The following FNDC3B variants were observed in gnomAD, a reference collection of about 807,000 sequenced individuals.
The protein encoded by FNDC3B is fibronectin type III domain containing 3B.
Under a neutral mutation model 151.5 loss-of-function variants are expected in FNDC3B, and 12 were observed. The ratio of observed to expected loss-of-function variants is 0.08; its 90% CI spans 0.05 to 0.13. FNDC3B has a LOEUF of 0.13. FNDC3B is among the 10% of genes least tolerant of loss of function. The probability of loss-of-function intolerance (pLI) is 1.00; values close to 1 mark genes in which losing one functional copy is unlikely to be tolerated. For missense variants in FNDC3B, 1,214 were observed against 1,505.3 expected (o/e 0.81, Z 3.20); for synonymous variants, 528 against 549.0 (o/e 0.96, Z 0.54).
intron 4 of FNDC3B, 40 bp downstream of exon 4, chr3:172,226,987 T>G: frequency 7.6e-7 from 1 of 1,309,798 alleles, no homozygotes; most frequent in African/African-American, 1.4e-5. Context: ...CTATGGACAC[T>G]GTCGTTGCTC....
At chr3:172,108,466 T>C (rs1719787375) in intron 1 of FNDC3B, among the ~76,000 whole-genome samples, 1 of 152,224 alleles carries the variant, frequency 6.6e-6, no homozygotes, top group South Asian at 2.1e-4. Context: ...TGAAAAGCCT[T>C]GTCGGCTTTC....
intron 3 of FNDC3B, among the ~76,000 whole-genome samples, chr3:172,151,753 G>A (rs1423227414): frequency 6.6e-6 from 1 of 152,160 alleles, no homozygotes; most frequent in Non-Finnish European, 1.5e-5. Flanking sequence ...ATAGGTTCTT[G>A]GAAACTGTAA....
At chr3:172,326,043 T>G (rs887591172) in intron 11 of FNDC3B, among the ~76,000 whole-genome samples, 1 of 152,008 alleles carries the variant, frequency 6.6e-6, no homozygotes, top group African/African-American at 2.4e-5. Flanking sequence ...CCAGGCTGGT[T>G]TCGAACTCCT....
chr3:172,249,165 A>C (rs529259409), intron 5 of FNDC3B, among the ~76,000 whole-genome samples: 1 of 152,174 alleles, frequency 6.6e-6, no homozygotes, highest in African/African-American at 2.4e-5. Flanking sequence ...AGTGTTTCTT[A>C]GAGCTTTCTG....
chr3:172,316,965 A>G (rs1731814224), intron 11 of FNDC3B, among the ~76,000 whole-genome samples: 1 of 152,182 alleles, frequency 6.6e-6, no homozygotes, highest in Admixed American at 6.5e-5. Context: ...GTCCTCCCAT[A>G]ATAGAAGACA....
At chr3:172,168,211 C>A (rs1472006409) in intron 3 of FNDC3B, among the ~76,000 whole-genome samples, 3 of 152,176 alleles carry the variant, frequency 2.0e-5, no homozygotes. Context: ...AAAACTGATA[C>A]CAGCTGTTAT....
chr3:172,156,164 A>G (rs1379845903), intron 3 of FNDC3B, among the ~76,000 whole-genome samples: 1 of 152,242 alleles, frequency 6.6e-6, no homozygotes, highest in East Asian at 1.9e-4. Flanking sequence ...ATGAAACTTC[A>G]GAGCCCTCAC....
intron 2 of FNDC3B, among the ~76,000 whole-genome samples, chr3:172,125,856 T>A (rs368491222): frequency 1.3e-5 from 2 of 152,134 alleles, no homozygotes; most frequent in African/African-American, 4.8e-5. Context: ...CCGTACCGGG[T>A]TGCTCATGAG....
chr3:172,098,922 G>A (rs1279108024), intron 1 of FNDC3B, among the ~76,000 whole-genome samples: 1 of 152,250 alleles, frequency 6.6e-6, no homozygotes, highest in East Asian at 1.9e-4. Flanking sequence ...TGGAGTCCTC[G>A]GTTGAATGGG....
At chr3:172,142,727 A>C (rs1721688812) in intron 3 of FNDC3B, among the ~76,000 whole-genome samples, 1 of 152,204 alleles carries the variant, frequency 6.6e-6, no homozygotes, top group Non-Finnish European at 1.5e-5. Flanking sequence ...AGGCATTCAG[A>C]CTGAAGGAAA....
At chr3:172,337,641 G>T in intron 16 of FNDC3B, 1 of 454,864 alleles carries the variant, frequency 2.2e-6, no homozygotes, top group South Asian at 2.9e-5. Flanking sequence ...CTTTTTCATT[G>T]GTGTTTTGTT....
chr3:172,050,165 A>T (rs1339037250), intron 1 of FNDC3B, among the ~76,000 whole-genome samples: 1 of 152,114 alleles, frequency 6.6e-6, no homozygotes, highest in Non-Finnish European at 1.5e-5. Flanking sequence ...AAGTGATGGG[A>T]TACCAAAGCC....
At chr3:172,087,454 G>T (rs1158588078) in intron 1 of FNDC3B, among the ~76,000 whole-genome samples, 3 of 152,062 alleles carry the variant, frequency 2.0e-5, no homozygotes, top group Non-Finnish European at 4.4e-5. Flanking sequence ...ATGTGTGTGG[G>T]CGTTAAAAGA....
intron 16 of FNDC3B, 35 bp downstream of exon 16, chr3:172,337,436 A>G (rs1456100191): frequency 7.5e-7 from 1 of 1,333,082 alleles, no homozygotes; most frequent in South Asian, 1.2e-5. Flanking sequence ...TTCAAATCCA[A>G]TAGCAAGCTC....
chr3:172,388,829 C>T (rs1158996346), intron 25 of FNDC3B, among the ~76,000 whole-genome samples: 2 of 152,124 alleles, frequency 1.3e-5, no homozygotes, highest in African/African-American at 2.4e-5. Context: ...ATGATTTCTG[C>T]AAGGCGGGGC....
chr3:172,123,860 T>G (rs377010758), intron 2 of FNDC3B, among the ~76,000 whole-genome samples: 1 of 152,162 alleles, frequency 6.6e-6, no homozygotes, highest in South Asian at 2.1e-4. Context: ...TCTCTTAGGG[T>G]TTGTGATAGG....
At chr3:172,330,329 TTGG>T in intron 12 of FNDC3B, 1 of 476,356 alleles carries the variant, frequency 2.1e-6, no homozygotes, top group Non-Finnish European at 3.7e-6. Context: ...GTCCTGTGAC[TTGG>T]TGTGTGTGTC....
intron 21 of FNDC3B, among the ~76,000 whole-genome samples, chr3:172,349,011 C>T (rs142728725): frequency 2.4e-3 from 367 of 152,188 alleles, no homozygotes; most frequent in African/African-American, 8.0e-3. Flanking sequence ...TAAATATTGG[C>T]CGGGCATGGG....
At chr3:172,281,875 C>A (rs1274399499) in intron 6 of FNDC3B, among the ~76,000 whole-genome samples, 4 of 151,490 alleles carry the variant, frequency 2.6e-5, no homozygotes, top group African/African-American at 7.3e-5. Context: ...CTTTCCTTCA[C>A]AATATGGGAG....
Sources: gnomAD v4.1 joint callset for allele counts (sites outside exome capture counted in the v4.1 genomes callset) on GRCh38, gnomAD v4.1.1 for gene constraint, MANE v1.5 for transcripts, NCBI Gene and HGNC (gene_info 2026-07-23, HGNC 2026-07-21) for gene names.